The following LINGO1 variants were observed in gnomAD, a reference collection of about 807,000 sequenced individuals.
LINGO1 encodes leucine rich repeat and Ig domain containing 1.
LINGO1 carries 11 observed loss-of-function variants against 37.3 expected under a neutral mutation model. That is an observed-to-expected ratio of 0.29 (90% confidence interval 0.19 to 0.49). The LOEUF (loss-of-function observed/expected upper bound fraction) is 0.49, where lower values mean the gene tolerates loss of function less well. Ranked by LOEUF, LINGO1 falls within the 20% of genes least tolerant of loss-of-function variation. The probability of loss-of-function intolerance (pLI) is 0.99; values close to 1 mark genes in which losing one functional copy is unlikely to be tolerated. For synonymous variants in LINGO1, 387 were observed against 403.0 expected, an observed-to-expected ratio of 0.96 and a Z score of 0.48; for missense variants, 585 against 878.2, an observed-to-expected ratio of 0.67 and a Z score of 4.22.
chr15:77,663,041 C>T (rs140440171), intron 3 of LINGO1, among the ~76,000 whole-genome samples: 6,780 of 152,312 alleles, frequency 0.045, 217 homozygotes, highest in Non-Finnish European at 0.067. Context: ...ACCTGACAGG[C>T]TTTTTGAGGA....
intron 3 of LINGO1, among the ~76,000 whole-genome samples, chr15:77,655,296 T>A (rs1354652294): frequency 2.6e-5 from 4 of 152,204 alleles, no homozygotes; most frequent in African/African-American, 7.2e-5. Flanking sequence ...GCTTTGGAGC[T>A]GCCCATGTGG....
At chr15:77,819,636 G>A (rs1478381356) in intron 1 of LINGO1, 1 of 151,136 alleles carries the variant, frequency 6.6e-6, no homozygotes, top group Non-Finnish European at 1.5e-5. Context: ...CGCCCTCCTG[G>A]AGCGCTCACA....
At chr15:77,670,635 C>T (rs913575633) in intron 3 of LINGO1, among the ~76,000 whole-genome samples, 4 of 152,250 alleles carry the variant, frequency 2.6e-5, no homozygotes, top group Non-Finnish European at 5.9e-5. Context: ...AGCCATGGCC[C>T]CAGTCTCAGG....
intron 2 of LINGO1, among the ~76,000 whole-genome samples, chr15:77,677,706 C>T (rs542492430): frequency 2.0e-5 from 3 of 152,236 alleles, no homozygotes; most frequent in Admixed American, 1.3e-4. Context: ...CAGCTGACCC[C>T]GCCTTGGGAA....
chr15:77,640,435 C>G (rs182980338), intron 3 of LINGO1, among the ~76,000 whole-genome samples: 8 of 152,256 alleles, frequency 5.3e-5, no homozygotes, highest in South Asian at 2.1e-4. Context: ...ACTTGAGCAC[C>G]TCTGGCATGC....
intron 1 of LINGO1, among the ~76,000 whole-genome samples, chr15:77,785,996 G>A (rs1172876295): frequency 6.6e-6 from 1 of 152,188 alleles, no homozygotes; most frequent in Non-Finnish European, 1.5e-5. Context: ...AACTCCCACT[G>A]AGGGAGTACA....
intron 2 of LINGO1, among the ~76,000 whole-genome samples, chr15:77,715,786 C>A (rs559046037): frequency 3.3e-5 from 5 of 152,308 alleles, no homozygotes; most frequent in African/African-American, 1.2e-4. Flanking sequence ...CCAACAGGTG[C>A]CCAGGGCCAC....
At chr15:77,722,866 C>A (rs2076064134) in intron 2 of LINGO1, among the ~76,000 whole-genome samples, 1 of 152,176 alleles carries the variant, frequency 6.6e-6, no homozygotes, top group Admixed American at 6.5e-5. Context: ...CAGGGGTGCA[C>A]TCTCCAGCCC....
chr15:77,754,901 T>C (rs1427510704), intron 1 of LINGO1, among the ~76,000 whole-genome samples: 2 of 152,238 alleles, frequency 1.3e-5, no homozygotes, highest in African/African-American at 4.8e-5. Context: ...TCTTTGCCTA[T>C]AAGATGGGGC....
At chr15:77,692,799 G>A (rs1262070700) in intron 1 of LINGO1, among the ~76,000 whole-genome samples, 3 of 152,326 alleles carry the variant, frequency 2.0e-5, no homozygotes, top group South Asian at 4.1e-4. Context: ...TGCTCCAGCC[G>A]CCAGCAAGTG....
At chr15:77,724,218 C>T (rs144914807) in intron 2 of LINGO1, among the ~76,000 whole-genome samples, 2,093 of 152,296 alleles carry the variant, frequency 0.014, 26 homozygotes, top group Non-Finnish European at 0.019. Flanking sequence ...ATACCTGTGC[C>T]CACACATGCA....
rs75017747 is a variant in LINGO1, at chr15:77,676,162, G to A, written c.-13+927C>T. On this transcript the variant is annotated intron_variant, in intron 3 of 3. Transcript: ENST00000559893. The stretch of plus-strand genomic sequence containing the variant: ...ACAGCCTGCGGCAGCTGGGGGATCA[G>A]GAAATGCCCTTGATTGTGGCCTGGG... Among the ~76,000 whole-genome samples, 607 of 152,322 alleles carry A rather than the reference G, an allele frequency of 4.0e-3. 7 individuals carry two copies. Among genetic ancestry groups the A allele is most frequent in the African/African-American group, 0.014 (576 of 41,578 alleles).
Position 77,615,224 on chromosome 15 carries a change from T to A in LINGO1, c.683A>T (p.Asn228Ile), listed in dbSNP as rs774346087. ...IVLRLRHLNINAIRDYSFKRL... is the reference protein window; with the variant it reads ...IVLRLRHLNIIAIRDYSFKRL... Reference sequence around the variant, plus strand: ...CTTGAAGGAGTAGTCCCGGATGGCATTGATGTTGAGGTGCCGGAGCCTCAG... The same window carrying A: ...CTTGAAGGAGTAGTCCCGGATGGCAATGATGTTGAGGTGCCGGAGCCTCAG... The change falls in exon 2 of 2, where the codon AAT becomes ATT. Residue 228 changes from asparagine (N) to isoleucine (I), a missense_variant. Physicochemically the swap from Asn to Ile is moderately radical, Grantham distance 149. Coordinates refer to ENST00000355300, the MANE Select transcript of LINGO1 (RefSeq NM_032808.7). The A allele has an allele frequency of 6.2e-7, 1 of 1,613,590 alleles. No individual in the cohort carries two copies. The highest frequency in any genetic ancestry group is 8.5e-7 in the Non-Finnish European group (1 of 1,179,766).
chr15:77,773,270 G>T (rs974880636), intron 1 of LINGO1, among the ~76,000 whole-genome samples: 12 of 152,346 alleles, frequency 7.9e-5, no homozygotes, highest in African/African-American at 2.9e-4. Context: ...GCAGCAGGCT[G>T]TGGGGGAAGA....
At chr15:77,768,601 T>C (rs539148181) in intron 1 of LINGO1, among the ~76,000 whole-genome samples, 1 of 152,186 alleles carries the variant, frequency 6.6e-6, no homozygotes, top group East Asian at 1.9e-4. Context: ...GACAGAGACC[T>C]GCGTGCCTGG....
intron 2 of LINGO1, among the ~76,000 whole-genome samples, chr15:77,685,664 C>G (rs551228475): frequency 2.0e-5 from 3 of 148,612 alleles, no homozygotes; most frequent in African/African-American, 2.5e-5. Flanking sequence ...TTGAGACCAG[C>G]CTGGGCAACA....
chr15:77,644,353 C>T (rs2074576356), intron 3 of LINGO1, among the ~76,000 whole-genome samples: 1 of 152,222 alleles, frequency 6.6e-6, no homozygotes, highest in African/African-American at 2.4e-5. Flanking sequence ...CTCTCTATCC[C>T]TTCTCTGCCC....
intron 1 of LINGO1, among the ~76,000 whole-genome samples, chr15:77,740,188 AGT>A (rs1444451039): frequency 6.6e-6 from 1 of 152,170 alleles, no homozygotes; most frequent in Non-Finnish European, 1.5e-5. Context: ...TCCCTGAGGA[AGT>A]GTCCTTGGAG....
At chr15:77,648,401 G>A (rs1030915550) in intron 3 of LINGO1, 24 of 155,252 alleles carry the variant, frequency 1.5e-4, no homozygotes, top group African/African-American at 5.5e-4. Flanking sequence ...ACACAACCAT[G>A]CACATGGCCA....
Sources: gnomAD v4.1 joint callset for allele counts (sites outside exome capture counted in the v4.1 genomes callset) on GRCh38, gnomAD v4.1.1 for gene constraint, MANE v1.5 for transcripts, NCBI Gene and HGNC (gene_info 2026-07-23, HGNC 2026-07-21) for gene names.